BPNT2: variants seen among roughly 807,000 people sequenced by gnomAD.
BPNT2 encodes Golgi-resident adenosine 3',5'-bisphosphate 3'-phosphatase.
In BPNT2, 11 loss-of-function variants were observed where a neutral mutation model predicts 29.3. The observed-to-expected ratio is 0.38, with a 90% CI of 0.24 to 0.62. The LOEUF (loss-of-function observed/expected upper bound fraction) is 0.62, where lower values mean the gene tolerates loss of function less well. Among genes scored for constraint, BPNT2 ranks in the 20% least tolerant of loss-of-function variants. The pLI, the probability that BPNT2 is intolerant of heterozygous loss-of-function variation, is 0.62. For missense variants in BPNT2, 459 were observed against 473.4 expected (o/e 0.97, Z 0.28); for synonymous variants, 195 against 187.7 (o/e 1.04, Z -0.32).
rs1353069609 is a variant in BPNT2, at chr8:56,958,571, T to A, written c.*5222A>T. 6.6e-6 allele frequency: 1 copy of A among 152,208 alleles called. No individual in the cohort carries two copies. Among genetic ancestry groups the A allele is most frequent in the East Asian group, 1.9e-4 (1 of 5,196 alleles). The allele number at this position is 152,208 out of a possible 1,614,324, so 9.4% of individuals were successfully genotyped here. A position where few individuals can be genotyped will look rare whatever the true frequency, so the allele number is the denominator to read the frequency against. ...AGTATTCAAAGGTATTTTTATTTTA[T>A]CTCATTGTTAGCCCAGTATAAGGCA... On this transcript the variant is annotated 3_prime_UTR_variant, in exon 5 of 5. Transcript: ENST00000262644.
At chr8:56,977,808 A>C (rs911601879) in intron 3 of BPNT2, among the ~76,000 whole-genome samples, 1 of 152,178 alleles carries the variant, frequency 6.6e-6, no homozygotes. Flanking sequence ...AATTGCCAGA[A>C]GCTAAAAGAA....
intron 3 of BPNT2, among the ~76,000 whole-genome samples, chr8:56,971,785 C>G (rs1386910392): frequency 1.4e-5 from 2 of 140,508 alleles, no homozygotes; most frequent in African/African-American, 5.4e-5. Context: ...TTGTACCACC[C>G]CCCCCCCCAC....
chr8:56,980,444 T>C (rs1269510158), intron 1 of BPNT2, among the ~76,000 whole-genome samples: 1 of 151,868 alleles, frequency 6.6e-6, no homozygotes, highest in Non-Finnish European at 1.5e-5. Context: ...AGACAGATAA[T>C]TCGGATATAG....
intron 1 of BPNT2, among the ~76,000 whole-genome samples, chr8:56,983,333 G>C (rs1382505814): frequency 6.6e-6 from 1 of 152,168 alleles, no homozygotes; most frequent in African/African-American, 2.4e-5. Context: ...AAATAAGCCT[G>C]GCAGGCATCT....
intron 3 of BPNT2, 34 bp from the exon 4 acceptor site, chr8:56,966,386 T>C: frequency 6.3e-7 from 1 of 1,589,246 alleles, no homozygotes; most frequent in Non-Finnish European, 8.6e-7. Flanking sequence ...TTAATGGCAC[T>C]GAAGCTTTAA....
At chr8:56,974,797 A>C (rs1806105305) in intron 3 of BPNT2, among the ~76,000 whole-genome samples, 1 of 152,166 alleles carries the variant, frequency 6.6e-6, no homozygotes, top group African/African-American at 2.4e-5. Flanking sequence ...GGCTTCTTTA[A>C]GGTGGGTAAG....
chr8:56,988,664 C>T (rs1349250999), intron 1 of BPNT2, among the ~76,000 whole-genome samples: 3 of 152,210 alleles, frequency 2.0e-5, no homozygotes, highest in Non-Finnish European at 2.9e-5. Context: ...AACATCACAA[C>T]ACCGATGACT....
In BPNT2 at chr8:56,958,590, T is replaced by A. The variant is rs886063001; in HGVS notation, c.*5203A>T. The A allele has an allele frequency of 4.6e-5, 7 of 152,188 alleles. No homozygotes were observed. Among genetic ancestry groups the A allele is most frequent in the Non-Finnish European group, 1.0e-4 (7 of 68,032 alleles). 9.4% of individuals were successfully genotyped at this position (152,188 alleles called of 1,614,324 possible). ...ATTTTATCTCATTGTTAGCCCAGTA[T>A]AAGGCAGGATGACAAAAAATAAATA... On this transcript the variant is annotated 3_prime_UTR_variant, in exon 5 of 5. Coordinates refer to ENST00000262644, the MANE Select transcript of BPNT2 (RefSeq NM_017813.5).
rs1805819752 is a variant in BPNT2, at chr8:56,960,753, A to G, written c.*3040T>C. ...TTTACATTCTTGAACAATGGGTAGA[A>G]AGAAATACTTCGTAAAAACACTCAT... On this transcript the variant is annotated 3_prime_UTR_variant, in exon 5 of 5. Transcript: ENST00000262644. 6.6e-6 allele frequency: 1 copy of G among 152,196 alleles called. No individual in the cohort carries two copies. Among genetic ancestry groups the G allele is most frequent in the South Asian group, 2.1e-4 (1 of 4,832 alleles). The allele number at this position is 152,196 out of a possible 1,614,324, so 9.4% of individuals were successfully genotyped here.
chr8:56,963,656 C>A lies in BPNT2; in HGVS notation c.*137G>T, dbSNP rs1805882846. ...GCATTCTATTACAGGGAAAATAAGT[C>A]TCTGATGCTTCATAAATACTTTAAA... is the stretch of plus-strand genomic sequence containing the variant. On this transcript the variant is annotated 3_prime_UTR_variant, in exon 5 of 5. Coordinates refer to ENST00000262644, the MANE Select transcript of BPNT2 (RefSeq NM_017813.5). The A allele has an allele frequency of 5.4e-6, 5 of 927,242 alleles. No homozygotes were observed. The highest frequency in any genetic ancestry group is 2.0e-5 in the Admixed American group (1 of 51,246). The allele number at this position is 927,242 out of a possible 1,614,324, so 57.4% of individuals were successfully genotyped here. A position where few individuals can be genotyped will look rare whatever the true frequency, so the allele number is the denominator to read the frequency against.
In BPNT2 at chr8:56,993,286, C is replaced by A. The variant is rs1167277457; in HGVS notation, c.300G>T (p.Glu100Asp). 6.2e-7 allele frequency: 1 copy of A among 1,611,894 alleles called. No individual in the cohort carries two copies. The highest frequency in any genetic ancestry group is 8.5e-7 in the Non-Finnish European group (1 of 1,179,960). Reference protein sequence around the residue: ...LHEKSKGKTREGAEDKMTSGD... With the variant: ...LHEKSKGKTRDGAEDKMTSGD... ...CGCTGGTCATCTTGTCCTCGGCTCC[C>A]TCGCGCGTCTTCCCCTTGGACTTCT... The change falls in exon 1 of 5, where the codon GAG (glutamate) becomes GAT (aspartate). Residue 100 changes from glutamate (E) to aspartate (D), a missense_variant. Physicochemically the swap from Glu to Asp is conservative, Grantham distance 45 (BLOSUM62 2). Transcript: ENST00000262644.
At chr8:56,975,963 A>G (rs923155799) in intron 3 of BPNT2, among the ~76,000 whole-genome samples, 1 of 152,064 alleles carries the variant, frequency 6.6e-6, no homozygotes, top group Admixed American at 6.5e-5. Flanking sequence ...ACTATGCTGT[A>G]CTCCAACATC....
At chr8:56,990,568 T>C (rs1329261216) in intron 1 of BPNT2, among the ~76,000 whole-genome samples, 1 of 152,154 alleles carries the variant, frequency 6.6e-6, no homozygotes, top group Non-Finnish European at 1.5e-5. Flanking sequence ...TTTGTTAGGA[T>C]AGCACTCACT....
chr8:56,964,903 GCTGGGTATT>G (rs1181430721), intron 4 of BPNT2, among the ~76,000 whole-genome samples: 3 of 152,194 alleles, frequency 2.0e-5, no homozygotes, highest in African/African-American at 7.2e-5. Context: ...TCTCATCCCT[GCTGGGTATT>G]CTGGACATTA....
chr8:56,986,443 T>TTA (rs1321947905), intron 1 of BPNT2, among the ~76,000 whole-genome samples: 3 of 152,194 alleles, frequency 2.0e-5, no homozygotes, highest in African/African-American at 7.2e-5. Context: ...CAGAAAATGT[T>TTA]TAATCTATAT....
In BPNT2 at chr8:56,980,161, C is replaced by T. The variant is rs1312183920; in HGVS notation, c.424G>A (p.Glu142Lys). ...TEEHVDAADQ[E>K]VILWDHKIPE... ...ATCTTATGATCCCACAAGATAACCT[C>T]CTGATCAGCTGCATCCACGTGTTCC... is the stretch of plus-strand genomic sequence containing the variant. Residue 142 changes from glutamate to lysine, a missense_variant, in exon 2 of 5, where the codon GAG (glutamate) becomes AAG (lysine). Coordinates refer to ENST00000262644, the MANE Select transcript of BPNT2 (RefSeq NM_017813.5). The T allele has an allele frequency of 1.2e-6, 2 of 1,613,636 alleles. No homozygotes were observed. Among genetic ancestry groups the T allele is most frequent in the South Asian group, 2.2e-5 (2 of 91,082 alleles).
chr8:56,964,227 T>G (rs1805900146), intron 4 of BPNT2, 163 bp from the exon 5 acceptor site: 1 of 573,526 alleles, frequency 1.7e-6, no homozygotes, highest in African/African-American at 1.9e-5. Flanking sequence ...ATTAAAAAAA[T>G]TTTAAAGTAA....
At chr8:56,985,074 AAAG>A (rs1162035409) in intron 1 of BPNT2, among the ~76,000 whole-genome samples, 1 of 151,868 alleles carries the variant, frequency 6.6e-6, no homozygotes, top group African/African-American at 2.4e-5. Flanking sequence ...TACCATTGAT[AAAG>A]AAGGACCACC....
At chr8:56,978,296 G>A (rs1806179783) in intron 2 of BPNT2, 151 bp from the exon 3 acceptor site, 2 of 671,252 alleles carry the variant, frequency 3.0e-6, no homozygotes, top group Middle Eastern at 4.0e-4. Flanking sequence ...AGAGTCTGAG[G>A]GCAAGAGCCC....
Sources: gnomAD v4.1 joint callset for allele counts (sites outside exome capture counted in the v4.1 genomes callset) on GRCh38, gnomAD v4.1.1 for gene constraint, MANE v1.5 for transcripts, NCBI Gene and HGNC (gene_info 2026-07-23, HGNC 2026-07-21) for gene names.